Variants in IQSEC1 observed in about 807,000 individuals in gnomAD.
The protein encoded by IQSEC1 is IQ motif and SEC7 domain-containing protein 1.
A neutral mutation model predicts 91.0 loss-of-function variants in IQSEC1; 31 were observed. The observed-to-expected ratio is 0.34, with a 90% confidence interval of 0.26 to 0.46. IQSEC1 has a LOEUF of 0.46. Ranked by LOEUF, IQSEC1 falls within the 20% of genes least tolerant of loss-of-function variation. The probability of loss-of-function intolerance (pLI) is 1.00; values close to 1 mark genes in which losing one functional copy is unlikely to be tolerated. For missense variants in IQSEC1, 1,388 were observed against 1,575.6 expected (o/e 0.88, Z 2.02); for synonymous variants, 699 against 662.6 (o/e 1.05, Z -0.84).
intron 2 of IQSEC1, among the ~76,000 whole-genome samples, chr3:13,158,046 G>A (rs1707111409): frequency 6.6e-6 from 1 of 152,226 alleles, no homozygotes; most frequent in Non-Finnish European, 1.5e-5. Flanking sequence ...ATAGTGACAT[G>A]AGGGTAAGAC....
In IQSEC1 at chr3:12,935,786, G is replaced by A. The variant is rs768263829; in HGVS notation, c.1230C>T (p.Ser410=). Residue 410 remains serine (S), a synonymous_variant, in exon 3 of 14, where the codon AGC becomes AGT. Transcript: ENST00000613206. The surrounding 1 kb of genome is among the most constrained non-coding windows in gnomAD (Gnocchi z 8.0). The stretch of plus-strand genomic sequence containing the variant: ...CCCGGGGGAGGCTCTTGGGGGCGCC[G>A]CTGTGGGGACCATGCTTGGGACTGC... The part of the protein sequence containing the change: ...QQGSPKHGPH[S]GAPKSLPREE... 2.4e-5 allele frequency: 38 copies of A among 1,607,150 alleles called. No individual in the cohort carries two copies. The highest frequency in any genetic ancestry group is 9.3e-5 in the African/African-American group (7 of 74,870).
In IQSEC1 at chr3:12,902,786, T is replaced by G; in HGVS notation, c.2792A>C (p.Glu931Ala). 1.2e-6 allele frequency: 2 copies of G among 1,603,114 alleles called. No individual in the cohort carries two copies. ...CTTCCTACTTACTTCCACATTGCTC[T>G]CTAGCGATCCCGCACTGCTGCGACG... Reference protein sequence around the residue: ...RGRRSSAGSLESNVEGSIISS... With the variant: ...RGRRSSAGSLASNVEGSIISS... The change falls in exon 13 of 14, where the codon GAG becomes GCG. Residue 931 changes from glutamate to alanine, a missense_variant. This residue lies in a region of IQSEC1 where 329 missense variants were observed against 257.8 expected (regional missense o/e 1.28). Coordinates refer to ENST00000613206, the MANE Select transcript of IQSEC1 (RefSeq NM_001134382.3).
chr3:13,238,270 C>A lies in IQSEC1; in HGVS notation c.272+44441G>T, dbSNP rs140146976. On this transcript the variant is annotated intron_variant, in intron 1 of 15. Coordinates refer to the IQSEC1 transcript ENST00000648114. The stretch of plus-strand genomic sequence containing the variant: ...GGACCCTGTCACTCCTCCACACAAC[C>A]CTCAACAGCTCCCTGAGTCCAGACC... 4.4e-3 allele frequency among the ~76,000 whole-genome samples: 664 copies of A among 152,314 alleles called. 2 individuals are homozygous for A. The highest frequency in any genetic ancestry group is 0.015 in the African/African-American group (633 of 41,554).
Position 12,936,510 on chromosome 3 carries a change from C to T in IQSEC1, c.506G>A (p.Gly169Glu). 1 of 1,613,434 alleles carries T rather than the reference C, an allele frequency of 6.2e-7. No homozygotes were observed. Among genetic ancestry groups the T allele is most frequent in the Non-Finnish European group, 8.5e-7 (1 of 1,179,998 alleles). The change falls in exon 3 of 14, where the codon GGG becomes GAG. Residue 169 changes from glycine (G) to glutamate (E), a missense_variant. This residue lies in a region of IQSEC1 where 1,059 missense variants were observed against 1,317.8 expected (regional missense o/e 0.80). Transcript: ENST00000613206. ...GTAGGAGCTGTGCACTTTCTCAGGC[C>T]CCTCAAAGGAGAACTGCATCCTCAT... ...SNMRMQFSFE[G>E]PEKVHSSYFE...
At chr3:12,917,619 C>T (rs142587994) in intron 6 of IQSEC1, among the ~76,000 whole-genome samples, 15 of 152,312 alleles carry the variant, frequency 9.8e-5, no homozygotes, top group Admixed American at 3.3e-4. Flanking sequence ...TCTGGAGGCA[C>T]GCAGTTTATT....
At chr3:13,044,685 C>A (rs1460477161) in intron 1 of IQSEC1, among the ~76,000 whole-genome samples, 1 of 152,234 alleles carries the variant, frequency 6.6e-6, no homozygotes, top group Admixed American at 6.5e-5. Flanking sequence ...CCCACTCCTC[C>A]CCCGCCCCCC....
chr3:12,899,437 A>G lies in IQSEC1; in HGVS notation c.*1546T>C, dbSNP rs1464725801. ...TGCAGTGGCTCGAAAGGCTGAAACT[A>G]CAAAGTATGGCCCGTGGGTGACTCG... On this transcript the variant is annotated 3_prime_UTR_variant, in exon 14 of 14. Coordinates refer to ENST00000613206, the MANE Select transcript of IQSEC1 (RefSeq NM_001134382.3). The G allele has an allele frequency of 3.7e-6, 6 of 1,609,996 alleles. No homozygotes were observed. The highest frequency in any genetic ancestry group is 5.1e-6 in the Non-Finnish European group (6 of 1,178,822).
intron 1 of IQSEC1, among the ~76,000 whole-genome samples, chr3:12,995,481 A>G (rs1448004632): frequency 1.3e-5 from 2 of 152,246 alleles, no homozygotes; most frequent in Non-Finnish European, 2.9e-5. Context: ...TTGAGGCAGA[A>G]ACTAGTATCC....
In IQSEC1 at chr3:13,096,881, A is replaced by G. The variant is rs180829654; in HGVS notation, c.303-49359T>C. 1.1e-3 allele frequency among the ~76,000 whole-genome samples: 141 copies of G among 123,438 alleles called. 1 individual carries two copies. The highest frequency in any genetic ancestry group is 4.3e-3 in the African/African-American group (135 of 31,176). 81.0% of individuals were successfully genotyped at this position (123,438 alleles called of 152,430 possible). On this transcript the variant is annotated intron_variant, in intron 2 of 15. Coordinates refer to the IQSEC1 transcript ENST00000648114. ...CTTTCTTTCTTTTTTTTTTTTTTGA[A>G]ATGGAGTCTCGCTCTGTTGCCCAGG...
chr3:13,123,641 T>G (rs893306652), intron 2 of IQSEC1, among the ~76,000 whole-genome samples: 6 of 152,242 alleles, frequency 3.9e-5, no homozygotes, highest in African/African-American at 2.4e-5. Flanking sequence ...CCAAGCGTCC[T>G]CTGCAGACCC....
At chr3:12,916,331 C>T (rs1006650075) in intron 6 of IQSEC1, among the ~76,000 whole-genome samples, 1 of 152,206 alleles carries the variant, frequency 6.6e-6, no homozygotes, top group Non-Finnish European at 1.5e-5. Flanking sequence ...GTTGCTGTTG[C>T]TGGCCCACAT....
intron 2 of IQSEC1, among the ~76,000 whole-genome samples, chr3:13,095,218 G>T (rs1330662956): frequency 6.6e-6 from 1 of 151,206 alleles, no homozygotes; most frequent in Non-Finnish European, 1.5e-5. Flanking sequence ...AGCCTGGCAT[G>T]GTCCCCGTCG....
Position 12,909,321 on chromosome 3 carries a change from G to A in IQSEC1, c.2530C>T (p.Arg844Trp), listed in dbSNP as rs1232118149. The A allele has an allele frequency of 3.1e-6, 5 of 1,614,200 alleles. No homozygotes were observed. The highest frequency in any genetic ancestry group is 1.7e-4 in the Middle Eastern group (1 of 6,058). ...QDRKKFTDDL[R>W]ESIAEVQEME... ...TCTTGGACTTCCGCAATGGACTCCC[G>A]CAGGTCATCGGTGAATTTCTTCCGG... The change falls in exon 11 of 14, where the codon CGG (arginine) becomes TGG (tryptophan). Residue 844 changes from arginine (R) to tryptophan (W), a missense_variant. Physicochemically the swap from Arg to Trp is moderately radical, Grantham distance 101. Transcript: ENST00000613206. This position sits in a 1 kb window ranked among gnomAD's most constrained non-coding sequence, Gnocchi z 4.9.
chr3:13,270,351 A>G (rs1695572437), intron 1 of IQSEC1, among the ~76,000 whole-genome samples: 1 of 152,234 alleles, frequency 6.6e-6, no homozygotes, highest in Non-Finnish European at 1.5e-5. Flanking sequence ...TTCAATACAT[A>G]TTCATTAAAA....
intron 2 of IQSEC1, among the ~76,000 whole-genome samples, chr3:13,112,051 G>A (rs1199046535): frequency 6.6e-6 from 1 of 152,158 alleles, no homozygotes; most frequent in Non-Finnish European, 1.5e-5. Flanking sequence ...TGCCCGCTTT[G>A]CACACGCTGT....
chr3:12,911,988 A>G (rs1453352540), intron 9 of IQSEC1, among the ~76,000 whole-genome samples: 1 of 152,260 alleles, frequency 6.6e-6, no homozygotes, highest in African/African-American at 2.4e-5. Context: ...AGCCCCCTCA[A>G]GTGCCTTCTC....
At chr3:12,996,618 G>A (rs1559708098) in intron 1 of IQSEC1, among the ~76,000 whole-genome samples, 1 of 151,690 alleles carries the variant, frequency 6.6e-6, no homozygotes. Context: ...ATGGTAAACT[G>A]AAAAAAAATG....
rs368527397 is a variant in IQSEC1, at chr3:13,100,804, C to T, written c.303-53282G>A. ...ATTGAGCAGTAAGTAGGAAAGACAGCTTCTGCTGCCACAGCGTCGGGGGGA... is the reference window on the plus strand; with the variant it reads ...ATTGAGCAGTAAGTAGGAAAGACAGTTTCTGCTGCCACAGCGTCGGGGGGA... On this transcript the variant is annotated intron_variant, in intron 2 of 15. Transcript: ENST00000648114. Among the ~76,000 whole-genome samples, 76 of 149,044 alleles carry T rather than the reference C, an allele frequency of 5.1e-4. 8 individuals are homozygous for T. The South Asian group carries it at 9.7e-3, about 19-fold the overall frequency.
At chr3:13,172,672 G>A (rs921494582) in intron 1 of IQSEC1, among the ~76,000 whole-genome samples, 17 of 152,182 alleles carry the variant, frequency 1.1e-4, no homozygotes, top group Admixed American at 9.8e-4. Flanking sequence ...GGTTCCCTTC[G>A]AATTGGACAT....
Sources: allele counts gnomAD v4.1 joint callset (sites outside exome capture counted in the v4.1 genomes callset), GRCh38; gene constraint gnomAD v4.1.1; regional missense constraint gnomAD v4.1.1; non-coding constraint Gnocchi (gnomAD v3.1); transcripts MANE v1.5; gene names NCBI Gene and HGNC (gene_info 2026-07-23, HGNC 2026-07-21).